HSPA9: variants seen among roughly 807,000 people sequenced by gnomAD.
The protein encoded by HSPA9 is stress-70 protein, mitochondrial.
A neutral mutation model predicts 81.5 loss-of-function variants in HSPA9; 28 were observed. The ratio of observed to expected loss-of-function variants is 0.34; its 90% CI spans 0.25 to 0.47. The LOEUF (loss-of-function observed/expected upper bound fraction) is 0.47, where lower values mean the gene tolerates loss of function less well. Ranked by LOEUF, HSPA9 falls within the 20% of genes least tolerant of loss-of-function variation. The probability of loss-of-function intolerance (pLI) is 1.00; values close to 1 mark genes in which losing one functional copy is unlikely to be tolerated. For missense variants in HSPA9, 678 were observed against 838.0 expected (o/e 0.81, Z 2.36); for synonymous variants, 293 against 290.4 (o/e 1.01, Z -0.09).
chr5:138,570,173 G>A (rs1212057241), intron 4 of HSPA9, among the ~76,000 whole-genome samples: 3 of 151,846 alleles, frequency 2.0e-5, no homozygotes, highest in African/African-American at 4.8e-5. Context: ...CCTCTAGTAT[G>A]TCTATTTTAG....
At chr5:138,573,237 C>T (rs960958778) in intron 3 of HSPA9, among the ~76,000 whole-genome samples, 1 of 151,870 alleles carries the variant, frequency 6.6e-6, no homozygotes, top group Non-Finnish European at 1.5e-5. Context: ...CCATTTTGGC[C>T]GGGCTGGTCT....
In HSPA9 at chr5:138,569,718, T is replaced by TTA. The variant is rs558813597; in HGVS notation, c.411-671_411-670dup. Among the ~76,000 whole-genome samples the TTA allele has an allele frequency of 1.6e-3, 242 of 151,978 alleles. 6 individuals are homozygous for TTA. The South Asian group carries it at 0.036, about 22-fold the overall frequency. ...GTTTAAATTTTTAAAAATATTTAGTTTATATATATATAGACAGAGACACAC... is the reference window on the plus strand; with the variant it reads ...GTTTAAATTTTTAAAAATATTTAGTTTATATATATATATAGACAGAGACACAC... On this transcript the variant is annotated intron_variant, in intron 4 of 16. Coordinates refer to ENST00000297185, the MANE Select transcript of HSPA9 (RefSeq NM_004134.7).
At chr5:138,573,582 G>C (rs1750999246) in intron 3 of HSPA9, among the ~76,000 whole-genome samples, 181 bp downstream of exon 3, 1 of 138,866 alleles carries the variant, frequency 7.2e-6, no homozygotes, top group Non-Finnish European at 1.5e-5. Context: ...AGGAGGCAGA[G>C]GTTGCAGTGA....
At chr5:138,562,626 T>C (rs912978051) in intron 9 of HSPA9, among the ~76,000 whole-genome samples, 3 of 152,194 alleles carry the variant, frequency 2.0e-5, no homozygotes, top group Non-Finnish European at 2.9e-5. Context: ...TTTATAGTTA[T>C]TAACAAGAAT....
Position 138,560,099 on chromosome 5 carries a change from T to A in HSPA9, c.1183-8A>T. On this transcript the variant is annotated splice_region_variant and splice_polypyrimidine_tract_variant and intron_variant, in intron 10 of 16. Coordinates refer to ENST00000297185, the MANE Select transcript of HSPA9 (RefSeq NM_004134.7). Reference sequence around the variant, plus strand: ...CTGTACAGTCTGCTGAACCTGAACATCAAGGAAAAAGAACCTGTCGGCCCA... The same window carrying A: ...CTGTACAGTCTGCTGAACCTGAACAACAAGGAAAAAGAACCTGTCGGCCCA... The A allele has an allele frequency of 6.2e-7, 1 of 1,610,944 alleles. No homozygotes were observed. The highest frequency in any genetic ancestry group is 2.2e-5 in the East Asian group (1 of 44,860).
At chr5:138,568,178 C>G (rs1463254348) in intron 5 of HSPA9, among the ~76,000 whole-genome samples, 1 of 147,948 alleles carries the variant, frequency 6.8e-6, no homozygotes, top group Non-Finnish European at 1.5e-5. Context: ...GAGCGAGACT[C>G]TTGTCTCAAA....
chr5:138,573,907 C>G, intron 2 of HSPA9, 57 bp from the exon 3 acceptor site: 2 of 1,394,322 alleles, frequency 1.4e-6, no homozygotes, highest in East Asian at 2.3e-5. Context: ...ACCAAAGTCA[C>G]TGGAAGATAA....
intron 11 of HSPA9, 94 bp downstream of exon 11, chr5:138,559,770 A>G: frequency 1.2e-6 from 1 of 814,802 alleles, no homozygotes; most frequent in Non-Finnish European, 2.1e-6. Context: ...GATAAAAATG[A>G]AGTTTTCTAG....
chr5:138,563,065 T>G (rs2127156394), intron 9 of HSPA9, among the ~76,000 whole-genome samples: 2 of 152,356 alleles, frequency 1.3e-5, no homozygotes, highest in South Asian at 4.1e-4. Flanking sequence ...ACTTAATAAA[T>G]AGAGTTAACA....
At chr5:138,573,896 G>C in intron 2 of HSPA9, 46 bp from the exon 3 acceptor site, 1 of 1,456,140 alleles carries the variant, frequency 6.9e-7, no homozygotes, top group Non-Finnish European at 9.6e-7. Context: ...TATCTTGATA[G>C]ACCAAAGTCA....
chr5:138,558,399 C>G (rs1181958202), intron 12 of HSPA9, among the ~76,000 whole-genome samples, 154 bp downstream of exon 12: 1 of 152,058 alleles, frequency 6.6e-6, no homozygotes. Context: ...CAGGTAAAAA[C>G]TGATGCCATG....
chr5:138,570,474 A>G (rs1263251070), intron 4 of HSPA9, among the ~76,000 whole-genome samples: 2 of 152,164 alleles, frequency 1.3e-5, no homozygotes, highest in African/African-American at 4.8e-5. Context: ...CAAAGACCTA[A>G]TCTGTAAAGA....
intron 9 of HSPA9, 29 bp from the exon 10 acceptor site, chr5:138,561,818 A>C: frequency 6.6e-7 from 1 of 1,524,582 alleles, no homozygotes; most frequent in Non-Finnish European, 9.1e-7. Context: ...ATTGCATGTC[A>C]GCGAGCAGGC....
intron 14 of HSPA9, 48 bp from the exon 15 acceptor site, chr5:138,556,914 T>A (rs765482662): frequency 6.1e-6 from 8 of 1,304,810 alleles, no homozygotes; most frequent in Non-Finnish European, 7.8e-6. Flanking sequence ...TCAACCAAAG[T>A]TTGCTGAATG....
intron 10 of HSPA9, 22 bp from the exon 11 acceptor site, chr5:138,560,113 C>A (rs770041316): frequency 6.3e-7 from 1 of 1,586,558 alleles, no homozygotes; most frequent in East Asian, 2.2e-5. Context: ...GGAAAAAGAA[C>A]CTGTCGGCCC....
At chr5:138,566,112 C>A (rs1750753310) in intron 9 of HSPA9, among the ~76,000 whole-genome samples, 2 of 148,428 alleles carry the variant, frequency 1.3e-5, no homozygotes, top group African/African-American at 5.0e-5. Flanking sequence ...CACTTGAACC[C>A]AGGAGGCAGA....
intron 9 of HSPA9, 34 bp downstream of exon 9, chr5:138,566,592 T>A: frequency 7.4e-7 from 1 of 1,344,596 alleles, no homozygotes; most frequent in Non-Finnish European, 1.1e-6. Context: ...GCTGAAAATA[T>A]CCATCAAGAC....
At position 138,567,757 on chromosome 5, in the gene HSPA9, TCAGAA is replaced by T. The variant is rs770415943; in HGVS notation, c.536-40_536-36del. The T allele has an allele frequency of 4.2e-5, 63 of 1,495,440 alleles. No homozygotes were observed. The East Asian group carries it at 1.4e-3, about 33-fold the overall frequency. The allele number at this position is 1,495,440 out of a possible 1,614,324, so 92.6% of individuals were successfully genotyped here. ...AATGAAATTCAATCATGGAATTCTG[TCAGAA>T]CAGAATTATTAATATAGCCCAACAA... On this transcript the variant is annotated intron_variant, in intron 5 of 16. Coordinates refer to ENST00000297185, the MANE Select transcript of HSPA9 (RefSeq NM_004134.7).
chr5:138,571,954 G>A (rs1311420856), intron 3 of HSPA9, among the ~76,000 whole-genome samples: 12 of 50,202 alleles, frequency 2.4e-4, no homozygotes, highest in Non-Finnish European at 1.9e-4. Context: ...GAGGCACTGC[G>A]CCTGGCTTTT....
Sources: gnomAD v4.1 joint callset for allele counts (sites outside exome capture counted in the v4.1 genomes callset) on GRCh38, gnomAD v4.1.1 for gene constraint, MANE v1.5 for transcripts, NCBI Gene and HGNC (gene_info 2026-07-23, HGNC 2026-07-21) for gene names.